CSMD1: variants seen among roughly 807,000 people sequenced by gnomAD.
The protein encoded by CSMD1 is CUB and Sushi multiple domains 1.
A neutral mutation model predicts 417.5 loss-of-function variants in CSMD1; 213 were observed. The observed-to-expected ratio is 0.51, with a 90% CI of 0.46 to 0.57. The LOEUF (loss-of-function observed/expected upper bound fraction) is 0.57, where lower values mean the gene tolerates loss of function less well. CSMD1 is among the 20% of genes least tolerant of loss of function. The pLI is 0.00. For synonymous variants in CSMD1, 2,862 were observed against 1,736.8 expected, an observed-to-expected ratio of 1.65 and a Z score of -16.11; for missense variants, 6,923 against 4,529.7, an observed-to-expected ratio of 1.53 and a Z score of -15.17.
At chr8:3,921,868 C>T (rs1447128193) in intron 5 of CSMD1, among the ~76,000 whole-genome samples, 1 of 152,058 alleles carries the variant, frequency 6.6e-6, no homozygotes, top group Non-Finnish European at 1.5e-5. Flanking sequence ...CTGCTGTGGT[C>T]TGGAAGGTTC....
At chr8:3,903,165 A>G (rs1050712733) in intron 5 of CSMD1, among the ~76,000 whole-genome samples, 2 of 152,046 alleles carry the variant, frequency 1.3e-5, no homozygotes, top group Non-Finnish European at 2.9e-5. Context: ...CATTCCATTT[A>G]GCGATTGAGT....
At chr8:4,119,554 T>A (rs1056840120) in intron 3 of CSMD1, among the ~76,000 whole-genome samples, 2 of 150,744 alleles carry the variant, frequency 1.3e-5, no homozygotes, top group African/African-American at 4.9e-5. Flanking sequence ...GATGAGGCCT[T>A]AAGGGTGTAG....
At chr8:3,623,155 G>A (rs1796337297) in intron 7 of CSMD1, among the ~76,000 whole-genome samples, 10 of 152,160 alleles carry the variant, frequency 6.6e-5, no homozygotes, top group Admixed American at 6.5e-4. Context: ...TTGTAAAAGA[G>A]TTTAAATGAA....
intron 3 of CSMD1, among the ~76,000 whole-genome samples, chr8:4,268,571 T>C (rs895638953): frequency 1.3e-5 from 2 of 152,294 alleles, no homozygotes; most frequent in African/African-American, 4.8e-5. Flanking sequence ...TAGAGATGAA[T>C]ATCCTCATTT....
rs116450621 is a variant in CSMD1, at chr8:3,914,320, G to T, written c.818+83583C>A. 3.3e-3 allele frequency among the ~76,000 whole-genome samples: 499 copies of T among 152,024 alleles called. 2 individuals carry two copies. The highest frequency in any genetic ancestry group is 0.011 in the African/African-American group (465 of 41,564). On this transcript the variant is annotated intron_variant, in intron 5 of 69. Transcript: ENST00000635120. ...GCTCATGGTTTTTAAGAACGAGGAA[G>T]AGAATGGGGCCTAGAGGGTATCAGG...
chr8:3,070,367 C>G (rs564124702), intron 49 of CSMD1, among the ~76,000 whole-genome samples: 1 of 152,348 alleles, frequency 6.6e-6, no homozygotes, highest in Non-Finnish European at 1.5e-5. Flanking sequence ...TTATGCATTG[C>G]TTCCTGCTTA....
At chr8:3,920,785 C>T (rs943281349) in intron 5 of CSMD1, among the ~76,000 whole-genome samples, 43 of 152,084 alleles carry the variant, frequency 2.8e-4, no homozygotes, top group Non-Finnish European at 2.2e-4. Context: ...TATTGATTTG[C>T]GTATGTTAAA....
At chr8:3,953,554 G>A (rs911707900) in intron 5 of CSMD1, among the ~76,000 whole-genome samples, 3 of 152,078 alleles carry the variant, frequency 2.0e-5, no homozygotes, top group East Asian at 3.9e-4. Flanking sequence ...ACAGCTTCAG[G>A]ACTTCCCTGG....
In CSMD1 at chr8:4,396,905, C is replaced by A. The variant is rs566584950; in HGVS notation, c.415+23048G>T. Among the ~76,000 whole-genome samples, 6 of 152,068 alleles carry A rather than the reference C, an allele frequency of 3.9e-5. 1 individual carries two copies. In the South Asian group the frequency reaches 1.2e-3, roughly 32 times the overall value. ...GAAAGGGTGGGAGGCAGATGGGAAA[C>A]AAAAGACTACACCTTGGGTACAAGG... On this transcript the variant is annotated intron_variant, in intron 3 of 69. Coordinates refer to ENST00000635120, the MANE Select transcript of CSMD1 (RefSeq NM_033225.6).
chr8:3,225,132 A>AG (rs1476278018), intron 27 of CSMD1, among the ~76,000 whole-genome samples: 1 of 152,216 alleles, frequency 6.6e-6, no homozygotes, highest in Non-Finnish European at 1.5e-5. Flanking sequence ...AGGAAGATGA[A>AG]GGAACATGCT....
intron 3 of CSMD1, among the ~76,000 whole-genome samples, chr8:4,278,838 A>T (rs1796628755): frequency 6.6e-6 from 1 of 152,188 alleles, no homozygotes; most frequent in South Asian, 2.1e-4. Context: ...TTATAGGAAA[A>T]ACACTTTAAA....
At chr8:4,914,447 G>A (rs907331469) in intron 1 of CSMD1, among the ~76,000 whole-genome samples, 5 of 151,974 alleles carry the variant, frequency 3.3e-5, no homozygotes, top group African/African-American at 1.2e-4. Flanking sequence ...GTGAGGTGGC[G>A]GGCCCCTGTA....
chr8:4,253,986 G>A (rs1294319733), intron 3 of CSMD1, among the ~76,000 whole-genome samples: 7 of 139,126 alleles, frequency 5.0e-5, no homozygotes, highest in South Asian at 2.3e-4. Flanking sequence ...GTGCGATCTC[G>A]GCTCACTGCA....
At chr8:3,195,373 G>A (rs898503) in intron 33 of CSMD1, among the ~76,000 whole-genome samples, 100,082 of 151,998 alleles carry the variant, frequency 0.66, 34,240 homozygotes, top group Non-Finnish European at 0.76. Context: ...CAGGCGGATT[G>A]ATTCTAATGT....
rs73172217 is a variant in CSMD1 at position 3,784,691 on chromosome 8, T to C, written c.819-30649A>G. Among the ~76,000 whole-genome samples, 1,512 of 152,340 alleles carry C rather than the reference T, an allele frequency of 9.9e-3. 11 individuals carry two copies. Among genetic ancestry groups the C allele is most frequent in the Non-Finnish European group, 0.015 (1,053 of 68,038 alleles). ...GATATTGTCAGCAAATTTTCAAATA[T>C]TCCTGGAAATATGCTATTATTCTAT... On this transcript the variant is annotated intron_variant, in intron 5 of 69. Transcript: ENST00000635120.
At chr8:4,733,475 A>G (rs2116968450) in intron 1 of CSMD1, among the ~76,000 whole-genome samples, 1 of 152,306 alleles carries the variant, frequency 6.6e-6, no homozygotes, top group East Asian at 1.9e-4. Flanking sequence ...ACTAAAATCT[A>G]TTACAGGACT....
chr8:3,926,086 C>CACACACACACACACACAAACACCAT (rs1809670305), intron 5 of CSMD1, among the ~76,000 whole-genome samples: 10 of 16,134 alleles, frequency 6.2e-4, no homozygotes, highest in African/African-American at 2.6e-3. Flanking sequence ...ACACCATACA[C>CACACACACACACACACAAACACCAT]ACACACACAC....
chr8:4,211,820 T>G (rs1800329213), intron 3 of CSMD1, among the ~76,000 whole-genome samples: 1 of 152,192 alleles, frequency 6.6e-6, no homozygotes, highest in African/African-American at 2.4e-5. Flanking sequence ...GATGATAATT[T>G]TTCAGTAGGA....
At chr8:4,037,804 T>C (rs950264786) in intron 3 of CSMD1, among the ~76,000 whole-genome samples, 1 of 152,092 alleles carries the variant, frequency 6.6e-6, no homozygotes, top group South Asian at 2.1e-4. Flanking sequence ...CAGGTTGGAA[T>C]TGAATCTTTT....
Sources: gnomAD v4.1 joint callset for allele counts (sites outside exome capture counted in the v4.1 genomes callset) on GRCh38, gnomAD v4.1.1 for gene constraint, MANE v1.5 for transcripts, NCBI Gene and HGNC (gene_info 2026-07-23, HGNC 2026-07-21) for gene names.